Variants in TPST1 observed in about 807,000 individuals in gnomAD.
TPST1 encodes tyrosylprotein sulfotransferase 1.
In TPST1, 20 loss-of-function variants were observed where a neutral mutation model predicts 34.8. The observed-to-expected ratio is 0.57, with a 90% confidence interval of 0.40 to 0.84. The LOEUF (loss-of-function observed/expected upper bound fraction) is 0.84, where lower values mean the gene tolerates loss of function less well. Among genes scored for constraint, TPST1 ranks in the 40% least tolerant of loss-of-function variants. The pLI is 0.00. For missense variants in TPST1, 353 were observed against 455.5 expected (o/e 0.78, Z 2.05); for synonymous variants, 152 against 159.4 (o/e 0.95, Z 0.35).
intron 1 of TPST1, among the ~76,000 whole-genome samples, chr7:66,222,848 C>G (rs1404039811): frequency 1.3e-5 from 2 of 152,148 alleles, no homozygotes; most frequent in Admixed American, 6.5e-5. Context: ...ATGTGATTGC[C>G]CCAGCAGTGC....
At chr7:66,328,882 C>T (rs538534888) in intron 3 of TPST1, among the ~76,000 whole-genome samples, 1 of 29,920 alleles carries the variant, frequency 3.3e-5, no homozygotes, top group Non-Finnish European at 5.5e-5. Flanking sequence ...CTCTCTCTCT[C>T]TCTCTATATA....
At chr7:66,268,038 C>T (rs1324235031) in intron 2 of TPST1, among the ~76,000 whole-genome samples, 2 of 151,954 alleles carry the variant, frequency 1.3e-5, no homozygotes, top group African/African-American at 2.4e-5. Flanking sequence ...CTGCAACCTC[C>T]TCCTCTCGGG....
chr7:66,345,489 CAA>C (rs58837242), intron 3 of TPST1, among the ~76,000 whole-genome samples: 1,542 of 64,028 alleles, frequency 0.024, 8 homozygotes, highest in African/African-American at 0.041. Flanking sequence ...ACTCCATCTC[CAA>C]AAAAAAAAAA....
At chr7:66,217,846 A>G (rs143095927) in intron 1 of TPST1, among the ~76,000 whole-genome samples, 5,574 of 148,706 alleles carry the variant, frequency 0.037, 163 homozygotes, top group East Asian at 0.09. Flanking sequence ...GGCCTCGCAG[A>G]GTGCTGGGAT....
intron 1 of TPST1, among the ~76,000 whole-genome samples, chr7:66,206,718 C>T (rs1374329577): frequency 6.6e-6 from 1 of 152,124 alleles, no homozygotes; most frequent in Non-Finnish European, 1.5e-5. Context: ...GCCCCTACCT[C>T]CCAGCTAAAG....
intron 2 of TPST1, among the ~76,000 whole-genome samples, chr7:66,255,190 T>C (rs1790360897): frequency 6.6e-6 from 1 of 151,078 alleles, no homozygotes; most frequent in South Asian, 2.1e-4. Context: ...GGGGACAGTT[T>C]GTTCCCTAGG....
intron 1 of TPST1, among the ~76,000 whole-genome samples, chr7:66,227,086 T>C (rs1435182980): frequency 8.0e-6 from 1 of 125,394 alleles, no homozygotes; most frequent in Non-Finnish European, 1.6e-5. Flanking sequence ...CAAGCTGGAG[T>C]GCAGTGGTGC....
At chr7:66,322,525 A>G (rs1485467248) in intron 3 of TPST1, among the ~76,000 whole-genome samples, 2 of 152,208 alleles carry the variant, frequency 1.3e-5, no homozygotes, top group Non-Finnish European at 2.9e-5. Flanking sequence ...AGTTAGCATA[A>G]TGTCCTCAAG....
intron 3 of TPST1, among the ~76,000 whole-genome samples, chr7:66,339,156 T>G (rs1792183541): frequency 6.7e-6 from 1 of 149,950 alleles, no homozygotes; most frequent in South Asian, 2.1e-4. Flanking sequence ...AAACCAGAGG[T>G]GAAAAATGGG....
intron 2 of TPST1, among the ~76,000 whole-genome samples, chr7:66,242,672 G>A (rs1018264495): frequency 1.3e-5 from 2 of 152,104 alleles, no homozygotes; most frequent in African/African-American, 4.8e-5. Context: ...GTGCTTGTAT[G>A]TTGGCCCGGC....
intron 3 of TPST1, among the ~76,000 whole-genome samples, chr7:66,300,860 C>A (rs188833347): frequency 1.3e-5 from 2 of 151,904 alleles, no homozygotes; most frequent in Non-Finnish European, 2.9e-5. Context: ...GCAAGAGAAT[C>A]GCTTGAACCG....
chr7:66,267,637 G>A (rs1790618188), intron 2 of TPST1, among the ~76,000 whole-genome samples: 1 of 152,128 alleles, frequency 6.6e-6, no homozygotes, highest in Admixed American at 6.6e-5. Context: ...GGAGGAAAGA[G>A]ATTTTTTTGA....
At chr7:66,273,983 T>G (rs918721266) in intron 2 of TPST1, among the ~76,000 whole-genome samples, 4 of 151,900 alleles carry the variant, frequency 2.6e-5, no homozygotes, top group African/African-American at 9.7e-5. Context: ...TTGTTGTTGT[T>G]TTCTTTTTTC....
intron 3 of TPST1, among the ~76,000 whole-genome samples, chr7:66,339,903 C>A (rs897186965): frequency 1.3e-5 from 2 of 149,330 alleles, no homozygotes; most frequent in African/African-American, 2.5e-5. Flanking sequence ...ATTCAGCATA[C>A]CCAAATCAAT....
chr7:66,209,457 A>T (rs1202775137), intron 1 of TPST1, among the ~76,000 whole-genome samples: 1 of 152,184 alleles, frequency 6.6e-6, no homozygotes, highest in Non-Finnish European at 1.5e-5. Flanking sequence ...TCCTGGGCAG[A>T]TCTTACAAAG....
chr7:66,349,294 G>T (rs1792420525), intron 3 of TPST1, among the ~76,000 whole-genome samples: 2 of 152,174 alleles, frequency 1.3e-5, no homozygotes, highest in Non-Finnish European at 2.9e-5. Context: ...AAAGTTGGCT[G>T]GGCGCCGTGG....
At chr7:66,316,325 G>A (rs1458119456) in intron 3 of TPST1, among the ~76,000 whole-genome samples, 1 of 152,154 alleles carries the variant, frequency 6.6e-6, no homozygotes, top group Admixed American at 6.5e-5. Context: ...GTAAAATGTT[G>A]TTGAAGCTTA....
At chr7:66,263,544 A>G (rs1428072679) in intron 2 of TPST1, among the ~76,000 whole-genome samples, 1 of 152,194 alleles carries the variant, frequency 6.6e-6, no homozygotes, top group Admixed American at 6.5e-5. Flanking sequence ...ACCATCTGGA[A>G]CACTTAAAAT....
At chr7:66,294,816 C>T (rs929105577) in intron 3 of TPST1, among the ~76,000 whole-genome samples, 7 of 152,008 alleles carry the variant, frequency 4.6e-5, no homozygotes, top group Non-Finnish European at 7.4e-5. Flanking sequence ...GGTAAGATTA[C>T]GTATATCATC....
Sources: allele counts gnomAD v4.1 joint callset (sites outside exome capture counted in the v4.1 genomes callset), GRCh38; gene constraint gnomAD v4.1.1; transcripts MANE v1.5; gene names NCBI Gene and HGNC (gene_info 2026-07-23, HGNC 2026-07-21).